The following CFAP61 variants were observed in gnomAD, a reference collection of about 807,000 sequenced individuals.
CFAP61 encodes the protein cilia- and flagella-associated protein 61.
Under a neutral mutation model 135.6 loss-of-function variants are expected in CFAP61, and 107 were observed. The ratio of observed to expected loss-of-function variants is 0.79; its 90% CI spans 0.67 to 0.93. The LOEUF is 0.93. Among genes scored for constraint, CFAP61 ranks in the 40% least tolerant of loss-of-function variants. The pLI, the probability that CFAP61 is intolerant of heterozygous loss-of-function variation, is 0.00. For missense variants in CFAP61, 1,507 were observed against 1,556.2 expected (o/e 0.97, Z 0.53); for synonymous variants, 575 against 578.5 (o/e 0.99, Z 0.09).
intron 6 of CFAP61, among the ~76,000 whole-genome samples, chr20:20,080,562 G>A (rs2046363784): frequency 1.3e-5 from 2 of 152,192 alleles, no homozygotes; most frequent in Non-Finnish European, 2.9e-5. Flanking sequence ...GGAATTTGGT[G>A]TAGGAAATAC....
intron 17 of CFAP61, among the ~76,000 whole-genome samples, chr20:20,200,111 A>C (rs997012530): frequency 6.6e-6 from 1 of 152,236 alleles, no homozygotes; most frequent in South Asian, 2.1e-4. Context: ...AGCAGTAGCC[A>C]CAGGACCCTG....
chr20:20,227,041 G>C (rs898085291), intron 17 of CFAP61, among the ~76,000 whole-genome samples: 1 of 152,192 alleles, frequency 6.6e-6, no homozygotes, highest in African/African-American at 2.4e-5. Context: ...CATGTTGCTA[G>C]GCTATCTAGA....
chr20:20,263,240 C>A, intron 21 of CFAP61, 110 bp downstream of exon 21: 2 of 695,832 alleles, frequency 2.9e-6, no homozygotes, highest in Non-Finnish European at 4.3e-6. Context: ...TAATTCCAAC[C>A]AAATCATTCA....
At chr20:20,187,878 G>T in intron 13 of CFAP61, 52 bp from the exon 14 acceptor site, 2 of 1,409,110 alleles carry the variant, frequency 1.4e-6, no homozygotes, top group Admixed American at 1.7e-5. Context: ...CCATTTGGGG[G>T]GAATACATAT....
chr20:20,357,054 C>CTG (rs1424823369), intron 26 of CFAP61, among the ~76,000 whole-genome samples: 1 of 53,992 alleles, frequency 1.9e-5, no homozygotes, highest in African/African-American at 6.0e-5. Flanking sequence ...GGTGGTCACA[C>CTG]TGAGGGGAAG....
At position 20,098,781 on chromosome 20, in the gene CFAP61, T is replaced by C; in HGVS notation, c.826T>C (p.Ser276Pro). The change falls in exon 8 of 27, where the codon TCA (serine) becomes CCA (proline). Residue 276 changes from serine (S) to proline (P), a missense_variant. Coordinates refer to ENST00000245957, the MANE Select transcript of CFAP61 (RefSeq NM_015585.4). ...CFPHPDDVLE[S>P]PQDLSVRRSQ... ...CCCACATCCTGATGACGTTCTGGAATCACCACAAGACCTAAGTGTCCGAAG... is the reference window on the plus strand; with the variant it reads ...CCCACATCCTGATGACGTTCTGGAACCACCACAAGACCTAAGTGTCCGAAG... 1 of 1,613,792 alleles carries C rather than the reference T, an allele frequency of 6.2e-7. No individual in the cohort carries two copies. The highest frequency in any genetic ancestry group is 1.1e-5 in the South Asian group (1 of 91,032).
chr20:20,109,805 T>C (rs1223067029), intron 8 of CFAP61, among the ~76,000 whole-genome samples: 1 of 152,218 alleles, frequency 6.6e-6, no homozygotes, highest in Non-Finnish European at 1.5e-5. Flanking sequence ...TGGGTTTCTT[T>C]TTGAATTTAT....
At chr20:20,210,471 T>C (rs975601390) in intron 17 of CFAP61, among the ~76,000 whole-genome samples, 1 of 152,258 alleles carries the variant, frequency 6.6e-6, no homozygotes, top group African/African-American at 2.4e-5. Context: ...ACGCATTTGT[T>C]CTCTGGGGCT....
At position 20,070,875 on chromosome 20, in the gene CFAP61, T is replaced by C. The variant is rs776756606; in HGVS notation, c.165T>C (p.Val55=). 6.2e-7 allele frequency: 1 copy of C among 1,613,588 alleles called. No homozygotes were observed. The highest frequency in any genetic ancestry group is 1.7e-5 in the Admixed American group (1 of 59,906). The change falls in exon 3 of 27, where the codon GTT becomes GTC. Residue 55 remains valine (V), a synonymous_variant. Coordinates refer to ENST00000245957, the MANE Select transcript of CFAP61 (RefSeq NM_015585.4). ...IYLLEKANLA[V]TLCNDKEEIM... ...GCAGAGAAAAGGCCAACCTTGCTGT[T>C]ACCCTCTGCAATGACAAGGAGGAGA...
chr20:20,059,891 A>G (rs751733575), intron 2 of CFAP61, among the ~76,000 whole-genome samples: 24 of 152,302 alleles, frequency 1.6e-4, no homozygotes, highest in Admixed American at 7.8e-4. Context: ...ATAGGAAGCC[A>G]AAGGGTAATA....
At chr20:20,290,185 G>A (rs2054896767) in intron 23 of CFAP61, 115 bp from the exon 24 acceptor site, 1 of 711,092 alleles carries the variant, frequency 1.4e-6, no homozygotes, top group African/African-American at 1.8e-5. Context: ...TAGTGTGAAA[G>A]TTTGAGGAGC....
At chr20:20,324,036 T>C (rs1180802000) in intron 25 of CFAP61, among the ~76,000 whole-genome samples, 4 of 152,210 alleles carry the variant, frequency 2.6e-5, no homozygotes, top group Non-Finnish European at 4.4e-5. Flanking sequence ...TAATTAACCC[T>C]GCAATAAACA....
intron 9 of CFAP61, among the ~76,000 whole-genome samples, chr20:20,146,438 C>T (rs2051891547): frequency 1.3e-5 from 2 of 152,164 alleles, no homozygotes; most frequent in Admixed American, 1.3e-4. Flanking sequence ...AAACTACTCC[C>T]AACACTGCTG....
intron 17 of CFAP61, among the ~76,000 whole-genome samples, chr20:20,200,366 C>T (rs1381240623): frequency 6.6e-6 from 1 of 152,108 alleles, no homozygotes; most frequent in Non-Finnish European, 1.5e-5. Context: ...GTTTAACTCC[C>T]TCCTCCATTT....
chr20:20,149,004 G>A (rs1829260327), intron 9 of CFAP61, among the ~76,000 whole-genome samples: 1 of 152,112 alleles, frequency 6.6e-6, no homozygotes, highest in African/African-American at 2.4e-5. Flanking sequence ...AGTAGAATAA[G>A]AAACAATATA....
chr20:20,188,145 T>C, intron 14 of CFAP61, 89 bp downstream of exon 14: 1 of 1,427,588 alleles, frequency 7.0e-7, no homozygotes, highest in East Asian at 2.3e-5. Context: ...TGGATCTGAG[T>C]TGGAAAATCA....
intron 17 of CFAP61, among the ~76,000 whole-genome samples, chr20:20,224,143 T>TGG: frequency 6.6e-6 from 1 of 152,266 alleles, no homozygotes; most frequent in Non-Finnish European, 1.5e-5. Context: ...AGTTGTAGGG[T>TGG]GGCAGGCAAC....
At position 20,277,431 on chromosome 20, in the gene CFAP61, C is replaced by A; in HGVS notation, c.2769C>A (p.Pro923=). 6.2e-7 allele frequency: 1 copy of A among 1,612,692 alleles called. No individual in the cohort carries two copies. Among genetic ancestry groups the A allele is most frequent in the East Asian group, 2.2e-5 (1 of 44,850 alleles). ...DPIYSASFTT[P]TKPFRLQCSM... The stretch of plus-strand genomic sequence containing the variant: ...TCTACAGCGCCTCCTTCACCACACC[C>A]ACCAAGCCTTTCAGACTCCAGTGCT... The change falls in exon 22 of 27, where the codon CCC becomes CCA. Residue 923 remains proline, a synonymous_variant. Transcript: ENST00000245957.
At chr20:20,270,389 A>T (rs1033635997) in intron 21 of CFAP61, among the ~76,000 whole-genome samples, 2 of 152,232 alleles carry the variant, frequency 1.3e-5, no homozygotes, top group Admixed American at 1.3e-4. Context: ...TCAGTTCAAA[A>T]GAATAAAATG....
Sources: allele counts gnomAD v4.1 joint callset (sites outside exome capture counted in the v4.1 genomes callset), GRCh38; gene constraint gnomAD v4.1.1; transcripts MANE v1.5; gene names NCBI Gene and HGNC (gene_info 2026-07-23, HGNC 2026-07-21).